MED24: variants seen among roughly 807,000 people sequenced by gnomAD.
MED24 encodes the protein mediator complex subunit 24.
Under a neutral mutation model 118.8 loss-of-function variants are expected in MED24, and 74 were observed. The ratio of observed to expected loss-of-function variants is 0.62; its 90% CI spans 0.52 to 0.76. The LOEUF (loss-of-function observed/expected upper bound fraction) is 0.76, where lower values mean the gene tolerates loss of function less well. MED24 is among the 30% of genes least tolerant of loss of function. The pLI, the probability that MED24 is intolerant of heterozygous loss-of-function variation, is 0.00. For missense variants in MED24, 1,041 were observed against 1,278.9 expected (o/e 0.81, Z 2.84); for synonymous variants, 521 against 523.9 (o/e 0.99, Z 0.08).
rs758184575 is a variant in MED24, at chr17:40,026,138, G to C, written c.1985+18C>G. On this transcript the variant is annotated intron_variant, in intron 19 of 25. Transcript: ENST00000394128. ...CAACACACTTGAAGGGTCTGAGAAGGGAAGGCAGGTTACCGACCTCTCATT... is the reference window on the plus strand; with the variant it reads ...CAACACACTTGAAGGGTCTGAGAAGCGAAGGCAGGTTACCGACCTCTCATT... 1 of 1,606,180 alleles carries C rather than the reference G, an allele frequency of 6.2e-7. No individual in the cohort carries two copies. Among genetic ancestry groups the C allele is most frequent in the African/African-American group, 1.3e-5 (1 of 74,846 alleles).
intron 10 of MED24, 27 bp from the exon 11 acceptor site, chr17:40,031,647 G>C: frequency 6.2e-7 from 1 of 1,601,266 alleles, no homozygotes; most frequent in Non-Finnish European, 8.6e-7. Context: ...GTGTCCATCT[G>C]GTTTCCAGGG....
At chr17:40,039,044 T>C (rs1402298439) in intron 3 of MED24, among the ~76,000 whole-genome samples, 1 of 152,156 alleles carries the variant, frequency 6.6e-6, no homozygotes, top group Non-Finnish European at 1.5e-5. Flanking sequence ...AAGTGAACCT[T>C]GCTGGATACC....
At chr17:40,038,896 C>G (rs762265552) in intron 3 of MED24, among the ~76,000 whole-genome samples, 9 of 152,150 alleles carry the variant, frequency 5.9e-5, no homozygotes, top group Non-Finnish European at 1.2e-4. Context: ...TGTTCAGAAC[C>G]ACCATACTGT....
chr17:40,023,630 G>A (rs1982304915), intron 19 of MED24: 1 of 470,530 alleles, frequency 2.1e-6, no homozygotes, highest in East Asian at 3.5e-5. Context: ...ACTGGGGAGG[G>A]ACTTTCCTCC....
At chr17:40,031,007 C>A in intron 12 of MED24, 152 bp downstream of exon 12, 1 of 705,222 alleles carries the variant, frequency 1.4e-6, no homozygotes. Context: ...TCTGTGCTTT[C>A]TTTTCCTTCC....
rs137857439 is a variant in MED24, at chr17:40,020,901, C to T, written c.2624-548G>A. Among the ~76,000 whole-genome samples the T allele has an allele frequency of 7.4e-3, 1,119 of 152,120 alleles. 8 individuals carry two copies. Among genetic ancestry groups the T allele is most frequent in the African/African-American group, 0.026 (1,070 of 41,514 alleles). On this transcript the variant is annotated intron_variant, in intron 23 of 25. Transcript: ENST00000394128. ...CAGCCTGACCAATATGGTGAAACCC[C>T]GTCTCTACTAAAAATACAAAAATTA...
Position 40,053,652 on chromosome 17 carries a change from A to G in MED24, c.-37-17T>C, listed in dbSNP as rs1598380568. 4 of 1,612,960 alleles carry G rather than the reference A, an allele frequency of 2.5e-6. No homozygotes were observed. The African/African-American group carries it at 4.0e-5, about 16-fold the overall frequency. ...GGCGGCCAGCTTTGAGGTGAAAGAAATGGAGCTAAAGAAAAGGACATGAGG... is the reference window on the plus strand; with the variant it reads ...GGCGGCCAGCTTTGAGGTGAAAGAAGTGGAGCTAAAGAAAAGGACATGAGG... On this transcript the variant is annotated splice_polypyrimidine_tract_variant and intron_variant, in intron 1 of 25. Transcript: ENST00000394128.
At chr17:40,030,666 A>T (rs201474001) in intron 12 of MED24, among the ~76,000 whole-genome samples, 51,057 of 129,738 alleles carry the variant, frequency 0.39, 9,136 homozygotes, top group Middle Eastern at 0.55. Context: ...TTATTTATTT[A>T]TTTTTTTTTT....
intron 3 of MED24, among the ~76,000 whole-genome samples, chr17:40,038,543 T>C (rs1984206881): frequency 6.6e-6 from 1 of 151,946 alleles, no homozygotes; most frequent in Non-Finnish European, 1.5e-5. Context: ...AAACCCCGTC[T>C]CTGCTAAAAA....
At position 40,022,817 on chromosome 17, in the gene MED24, T is replaced by C. The variant is rs1382213061; in HGVS notation, c.2260A>G (p.Lys754Glu). The C allele has an allele frequency of 6.2e-7, 1 of 1,613,250 alleles. No homozygotes were observed. The highest frequency in any genetic ancestry group is 8.5e-7 in the Non-Finnish European group (1 of 1,179,904). Residue 754 changes from lysine (K) to glutamate (E), a missense_variant, in exon 21 of 26, where the codon AAG becomes GAG. Lys to Glu is a moderately conservative substitution (Grantham distance 56). Transcript: ENST00000394128. The stretch of plus-strand genomic sequence containing the variant: ...AGCGTGTGCTCCTTCCGCGTCTCCT[T>C]CAGCAGCTCCTAGTGCGCAGGAAAG... Reference protein sequence around the residue: ...FCNNLIKELLKETRKEHTLRA... With the variant: ...FCNNLIKELLEETRKEHTLRA...
chr17:40,046,745 C>CA (rs199580604), intron 3 of MED24, among the ~76,000 whole-genome samples: 11,173 of 147,088 alleles, frequency 0.076, 1,440 homozygotes, highest in African/African-American at 0.26. Context: ...GACTCCGTCT[C>CA]AAAAAAAAAC....
At chr17:40,025,552 G>T (rs1320184588) in intron 19 of MED24, among the ~76,000 whole-genome samples, 1 of 152,202 alleles carries the variant, frequency 6.6e-6, no homozygotes, top group Admixed American at 6.5e-5. Context: ...ATAGGAAGCT[G>T]TTGTTCAGTG....
chr17:40,051,076 C>T (rs531931445), intron 3 of MED24, among the ~76,000 whole-genome samples: 6 of 139,842 alleles, frequency 4.3e-5, no homozygotes, highest in Admixed American at 2.4e-4. Flanking sequence ...GCAGAGGTTG[C>T]GGTGAGCCAA....
At position 40,033,520 on chromosome 17, in the gene MED24, G is replaced by A. The variant is rs779099132; in HGVS notation, c.560-64C>T. On this transcript the variant is annotated intron_variant, in intron 6 of 25. Transcript: ENST00000394128. This position sits in a 1 kb window ranked among gnomAD's most constrained non-coding sequence, Gnocchi z 5.2. ...CAGGAGAGAAGGAGCACCTGGCCCT[G>A]AACTCCTCGATTTTGGCACTCCCTC... The A allele has an allele frequency of 5.7e-6, 8 of 1,393,992 alleles. No individual in the cohort carries two copies. The highest frequency in any genetic ancestry group is 6.9e-6 in the Non-Finnish European group (7 of 1,008,096). The allele number at this position is 1,393,992 out of a possible 1,614,324, so 86.4% of individuals were successfully genotyped here. A position where few individuals can be genotyped will look rare whatever the true frequency, so the allele number is the denominator to read the frequency against.
Position 40,022,863 on chromosome 17 carries a change from G to A in MED24, c.2251-37C>T. The A allele has an allele frequency of 3.1e-6, 5 of 1,603,826 alleles. No homozygotes were observed. The South Asian group carries it at 4.4e-5, about 14-fold the overall frequency. The stretch of plus-strand genomic sequence containing the variant: ...GAAAGGGGGCAGTTCAGGAGCCAGG[G>A]GCCCGGGATCTGGGGCTCCTACACC... On this transcript the variant is annotated intron_variant, in intron 20 of 25. Coordinates refer to ENST00000394128, the MANE Select transcript of MED24 (RefSeq NM_014815.4).
intron 3 of MED24, among the ~76,000 whole-genome samples, chr17:40,051,501 C>T (rs1985840474): frequency 6.6e-6 from 1 of 152,074 alleles, no homozygotes; most frequent in Admixed American, 6.6e-5. Flanking sequence ...GTAGTCCCAG[C>T]TACTCAGGAG....
At chr17:40,043,622 C>A (rs959689807) in intron 3 of MED24, among the ~76,000 whole-genome samples, 1 of 152,044 alleles carries the variant, frequency 6.6e-6, no homozygotes, top group Non-Finnish European at 1.5e-5. Context: ...GGCGCGGTGG[C>A]TCACGTCTGT....
chr17:40,024,471 T>C (rs1982411321), intron 19 of MED24, among the ~76,000 whole-genome samples: 1 of 152,014 alleles, frequency 6.6e-6, no homozygotes. Context: ...GAGGCGGAGA[T>C]TGCAGTGAGC....
intron 3 of MED24, among the ~76,000 whole-genome samples, chr17:40,036,804 G>A (rs765456683): frequency 4.6e-5 from 7 of 152,020 alleles, no homozygotes; most frequent in Admixed American, 2.0e-4. Flanking sequence ...TATTCCTACA[G>A]CTTCCGGCAA....
Sources: gnomAD v4.1 joint callset for allele counts (sites outside exome capture counted in the v4.1 genomes callset) on GRCh38, gnomAD v4.1.1 for gene constraint, Gnocchi (gnomAD v3.1) non-coding constraint, MANE v1.5 for transcripts, NCBI Gene and HGNC (gene_info 2026-07-23, HGNC 2026-07-21) for gene names.